KCNQ1: variants seen among roughly 807,000 people sequenced by gnomAD.
The protein encoded by KCNQ1 is potassium voltage-gated channel subfamily KQT member 1.
In KCNQ1, 49 loss-of-function variants were observed where a neutral mutation model predicts 72.4. The observed-to-expected ratio is 0.68, with a 90% CI of 0.54 to 0.86. KCNQ1 has a LOEUF of 0.86. KCNQ1 is among the 40% of genes least tolerant of loss of function. KCNQ1 has a pLI of 0.00. For synonymous variants in KCNQ1, 450 were observed against 412.6 expected, an observed-to-expected ratio of 1.09 and a Z score of -1.10; for missense variants, 790 against 945.1, an observed-to-expected ratio of 0.84 and a Z score of 2.15.
chr11:2,627,009 G>T lies in KCNQ1; in HGVS notation c.1394-34952G>T. Reference sequence around the variant, plus strand: ...TTACCTTGGATTTGTAGATTGTTTTGTGTGGTACTGACACCTTAACAATAT... The same window carrying T: ...TTACCTTGGATTTGTAGATTGTTTTTTGTGGTACTGACACCTTAACAATAT... On this transcript the variant is annotated intron_variant, in intron 10 of 15. Transcript: ENST00000155840. The surrounding 1 kb of genome is among the most constrained non-coding windows in gnomAD (Gnocchi z 4.9). The T allele has an allele frequency of 2.5e-6, 1 of 398,534 alleles. No homozygotes were observed. The highest frequency in any genetic ancestry group is 4.4e-6 in the Non-Finnish European group (1 of 226,050). The allele number at this position is 398,534 out of a possible 1,614,324, so 24.7% of individuals were successfully genotyped here.
At chr11:2,533,092 C>T (rs1847668757) in intron 2 of KCNQ1, among the ~76,000 whole-genome samples, 1 of 152,154 alleles carries the variant, frequency 6.6e-6, no homozygotes, top group African/African-American at 2.4e-5. Context: ...TGAGGGATTC[C>T]GAGAGCACGA....
At chr11:2,542,240 G>T (rs1054308490) in intron 2 of KCNQ1, among the ~76,000 whole-genome samples, 4 of 152,230 alleles carry the variant, frequency 2.6e-5, no homozygotes, top group Admixed American at 6.5e-5. Context: ...GGGCATGAAG[G>T]TTCTCAGTCC....
intron 2 of KCNQ1, among the ~76,000 whole-genome samples, chr11:2,551,557 G>A (rs1847984009): frequency 6.6e-6 from 1 of 152,242 alleles, no homozygotes; most frequent in Non-Finnish European, 1.5e-5. Context: ...AAGCTGCCAT[G>A]AATATTGCGT....
rs542629774 is a variant in KCNQ1, at chr11:2,815,211, A to C, written c.1795-32556A>C. ...TCTGGGGTGGCCAGGTCACAGCTTG[A>C]ACCTGGGCAGCCTTTATTCTCTAGG... On this transcript the variant is annotated intron_variant, in intron 15 of 15. Coordinates refer to ENST00000155840, the MANE Select transcript of KCNQ1 (RefSeq NM_000218.3). The surrounding 1 kb of genome is among the most constrained non-coding windows in gnomAD (Gnocchi z 5.4). Among the ~76,000 whole-genome samples the C allele has an allele frequency of 2.6e-5, 4 of 152,232 alleles. No homozygotes were observed. In the East Asian group the frequency reaches 7.7e-4, roughly 29 times the overall value.
rs1848469367 is a variant in KCNQ1 at position 2,579,568 on chromosome 11, G to A, written c.922-3867G>A. ...GTCTGAATGCAGGAAAAACAAACAGGTCTGCAGGGAGGGGCCGTTTCCTTG... is the reference window on the plus strand; with the variant it reads ...GTCTGAATGCAGGAAAAACAAACAGATCTGCAGGGAGGGGCCGTTTCCTTG... On this transcript the variant is annotated intron_variant, in intron 6 of 15. Coordinates refer to ENST00000155840, the MANE Select transcript of KCNQ1 (RefSeq NM_000218.3). This position sits in a 1 kb window ranked among gnomAD's most constrained non-coding sequence, Gnocchi z 6.0. Among the ~76,000 whole-genome samples the A allele has an allele frequency of 6.6e-6, 1 of 152,206 alleles. No individual in the cohort carries two copies. Among genetic ancestry groups the A allele is most frequent in the African/African-American group, 2.4e-5 (1 of 41,438 alleles).
At position 2,847,842 on chromosome 11, in the gene KCNQ1, ACCCCCGGCAGCGGCGGCC is replaced by A. The variant is rs397508102; in HGVS notation, c.1876_1893del (p.Gly626_Pro631del). 1.9e-6 allele frequency: 3 copies of A among 1,569,314 alleles called. No individual in the cohort carries two copies. The East Asian group carries it at 7.1e-5, about 37-fold the overall frequency. On this transcript the variant is annotated inframe_deletion, in exon 16 of 16. Transcript: ENST00000155840. The stretch of plus-strand genomic sequence containing the variant: ...GCTGCTCTCCTTGCACGGTGGCAGC[ACCCCCGGCAGCGGCGGCC>A]CCCCCAGAGAGGGCGGGGCCCACAT...
At chr11:2,791,700 T>A (rs1361103513) in intron 15 of KCNQ1, among the ~76,000 whole-genome samples, 1 of 123,832 alleles carries the variant, frequency 8.1e-6, no homozygotes, top group East Asian at 2.6e-4. Flanking sequence ...CAGCTGCGGG[T>A]GGGGGTGGGG....
Position 2,446,802 on chromosome 11 carries a change from C to T in KCNQ1, c.386+1318C>T, listed in dbSNP as rs571518447. Reference sequence around the variant, plus strand: ...TGTCAGTGGGTGCCTGAGCCACAGCCGCTGCTGGTCTGTGAGAGGAGCTGG... The same window carrying T: ...TGTCAGTGGGTGCCTGAGCCACAGCTGCTGCTGGTCTGTGAGAGGAGCTGG... On this transcript the variant is annotated intron_variant, in intron 1 of 15. Coordinates refer to ENST00000155840, the MANE Select transcript of KCNQ1 (RefSeq NM_000218.3). This position sits in a 1 kb window ranked among gnomAD's most constrained non-coding sequence, Gnocchi z 8.8. Among the ~76,000 whole-genome samples, 5 of 152,336 alleles carry T rather than the reference C, an allele frequency of 3.3e-5. No homozygotes were observed. In the East Asian group the frequency reaches 7.7e-4, roughly 24 times the overall value.
At chr11:2,587,743 G>T in intron 9 of KCNQ1, 51 bp downstream of exon 9, 3 of 1,612,334 alleles carry the variant, frequency 1.9e-6, no homozygotes, top group Non-Finnish European at 2.5e-6. Context: ...AGCAGGTGGG[G>T]AGGCCGTGGG....
At chr11:2,625,656 A>C (rs147284711) in intron 10 of KCNQ1, 4 of 395,482 alleles carry the variant, frequency 1.0e-5, no homozygotes, top group African/African-American at 2.1e-5. Flanking sequence ...GCTTACTGCA[A>C]CCTCTGCCTC....
intron 10 of KCNQ1, among the ~76,000 whole-genome samples, chr11:2,596,250 G>A (rs1295902093): frequency 2.6e-5 from 4 of 152,166 alleles, no homozygotes; most frequent in African/African-American, 4.8e-5. Flanking sequence ...AGTCCAAAGC[G>A]ATGCAACCAT....
rs901090765 is a variant in KCNQ1, at chr11:2,463,991, C to G, written c.386+18507C>G. On this transcript the variant is annotated intron_variant, in intron 1 of 15. Transcript: ENST00000155840. This position sits in a 1 kb window ranked among gnomAD's most constrained non-coding sequence, Gnocchi z 7.0. ...TGGGTCTGGTTTGATAACCGTGGACCGGGGTGACAGGCCCTGACTCTGCAG... is the reference window on the plus strand; with the variant it reads ...TGGGTCTGGTTTGATAACCGTGGACGGGGGTGACAGGCCCTGACTCTGCAG... Among the ~76,000 whole-genome samples, 1 of 152,186 alleles carries G rather than the reference C, an allele frequency of 6.6e-6. No individual in the cohort carries two copies. Among genetic ancestry groups the G allele is most frequent in the Admixed American group, 6.5e-5 (1 of 15,278 alleles).
chr11:2,561,594 G>T (rs183550489), intron 2 of KCNQ1, among the ~76,000 whole-genome samples: 2 of 152,366 alleles, frequency 1.3e-5, no homozygotes, highest in African/African-American at 4.8e-5. Context: ...AGGCTGAGCT[G>T]CTCGTCTGGG....
chr11:2,625,888 T>G (rs1291899055), intron 10 of KCNQ1: 1 of 398,496 alleles, frequency 2.5e-6, no homozygotes, highest in East Asian at 3.6e-5. Flanking sequence ...ATTTTTCAGG[T>G]GCATTGTTTT....
intron 10 of KCNQ1, chr11:2,649,564 A>C (rs1490335206): frequency 5.0e-6 from 2 of 398,388 alleles, no homozygotes; most frequent in Non-Finnish European, 8.8e-6. Context: ...TTTGCTGGGT[A>C]TAGTATTTGT....
At chr11:2,662,242 C>G in intron 11 of KCNQ1, 161 bp downstream of exon 11, 1 of 883,630 alleles carries the variant, frequency 1.1e-6, no homozygotes, top group East Asian at 2.6e-5. Flanking sequence ...AGGCACCAGG[C>G]AAGAGAGGAG....
At position 2,592,729 on chromosome 11, in the gene KCNQ1, A is replaced by G. The variant is rs1848686724; in HGVS notation, c.1393+3875A>G. Among the ~76,000 whole-genome samples the G allele has an allele frequency of 6.6e-6, 1 of 152,076 alleles. No homozygotes were observed. ...CTGTGCCCAGCCTGGGGAGCCTGAC[A>G]CTCACAGCCCGGCTGCTGCTGCCTT... On this transcript the variant is annotated intron_variant, in intron 10 of 15. Transcript: ENST00000155840. The surrounding 1 kb of genome is among the most constrained non-coding windows in gnomAD (Gnocchi z 5.2).
intron 11 of KCNQ1, chr11:2,699,045 A>G (rs1295445951): frequency 2.5e-6 from 1 of 398,498 alleles, no homozygotes; most frequent in African/African-American, 2.1e-5. Context: ...CTCCGGTCCC[A>G]ATTCGGGCTT....
intron 11 of KCNQ1, chr11:2,662,384 T>G (rs1336086130): frequency 1.3e-5 from 4 of 308,254 alleles, no homozygotes; most frequent in Non-Finnish European, 2.5e-5. Context: ...CCCAGCCCCC[T>G]CCCCTGCCCC....
Sources: gnomAD v4.1 joint callset for allele counts (sites outside exome capture counted in the v4.1 genomes callset) on GRCh38, gnomAD v4.1.1 for gene constraint, Gnocchi (gnomAD v3.1) non-coding constraint, MANE v1.5 for transcripts, NCBI Gene and HGNC (gene_info 2026-07-23, HGNC 2026-07-21) for gene names.